OR51B5: variants seen among roughly 807,000 people sequenced by gnomAD.
OR51B5 encodes olfactory receptor 51B5.
For missense variants in OR51B5, 456 were observed against 374.6 expected (o/e 1.22, Z -1.79); for synonymous variants, 186 against 144.8 (o/e 1.28, Z -2.04).
intron 1 of OR51B5, among the ~76,000 whole-genome samples, chr11:5,458,845 G>A (rs1002972690): frequency 1.3e-5 from 2 of 152,178 alleles, no homozygotes; most frequent in Non-Finnish European, 2.9e-5. Flanking sequence ...AGATCTAGGA[G>A]CCTATAGGCA....
intron 1 of OR51B5, among the ~76,000 whole-genome samples, chr11:5,482,516 T>A (rs1483385824): frequency 9.0e-6 from 1 of 111,696 alleles, no homozygotes; most frequent in Non-Finnish European, 1.8e-5. Context: ...GGGATCTAAT[T>A]AAACTAAAGA....
chr11:5,383,484 C>T (rs1215094542), intron 1 of OR51B5, among the ~76,000 whole-genome samples: 2 of 152,220 alleles, frequency 1.3e-5, no homozygotes, highest in Non-Finnish European at 2.9e-5. Flanking sequence ...TCATATACTA[C>T]ATCCGACCTC....
At chr11:5,415,291 T>C (rs1291481850) in intron 1 of OR51B5, among the ~76,000 whole-genome samples, 2 of 149,598 alleles carry the variant, frequency 1.3e-5, no homozygotes, top group South Asian at 2.2e-4. Context: ...TAGAGGGAAA[T>C]TTATAGCACT....
At chr11:5,504,998 C>T (rs1846351210) in intron 1 of OR51B5, among the ~76,000 whole-genome samples, 1 of 152,226 alleles carries the variant, frequency 6.6e-6, no homozygotes. Flanking sequence ...CTTTTAGACC[C>T]AATTCACCTG....
intron 1 of OR51B5, among the ~76,000 whole-genome samples, chr11:5,375,727 A>G (rs1235347643): frequency 6.6e-6 from 1 of 152,148 alleles, no homozygotes; most frequent in East Asian, 1.9e-4. Context: ...CCATTACATA[A>G]TGGTAAAGGG....
chr11:5,430,011 G>A (rs956272976), intron 1 of OR51B5, among the ~76,000 whole-genome samples: 4 of 152,142 alleles, frequency 2.6e-5, no homozygotes, highest in African/African-American at 9.7e-5. Flanking sequence ...GCAAGTTTTA[G>A]GAAGAGTCTC....
At chr11:5,471,336 G>A (rs1324999319) in intron 1 of OR51B5, among the ~76,000 whole-genome samples, 1 of 152,076 alleles carries the variant, frequency 6.6e-6, no homozygotes, top group East Asian at 1.9e-4. Context: ...AGTTTTAATG[G>A]TTAAAATATT....
chr11:5,492,868 C>T (rs2133816258), intron 1 of OR51B5, among the ~76,000 whole-genome samples: 1 of 152,268 alleles, frequency 6.6e-6, no homozygotes, highest in South Asian at 2.1e-4. Context: ...CTCCTGACCT[C>T]AAGTGATCCA....
Position 5,418,877 on chromosome 11 carries a change from T to TAAAAAAAAAAA in OR51B5, n.85-71978_85-71968dup, listed in dbSNP as rs10636129. Among the ~76,000 whole-genome samples the TAAAAAAAAAAA allele has an allele frequency of 3.7e-5, 5 of 133,638 alleles. 1 individual carries two copies. The highest frequency in any genetic ancestry group is 5.5e-5 in the African/African-American group (2 of 36,202). 87.7% of individuals were successfully genotyped at this position (133,638 alleles called of 152,430 possible). On this transcript the variant is annotated intron_variant and non_coding_transcript_variant, in intron 1 of 4. Transcript: ENST00000415970. ...ATGTACCCCAGAACTTGAAGTATTA[T>TAAAAAAAAAAA]AAAAAAAAAAAAAGCATCATCTGGT...
At chr11:5,416,550 C>T (rs1363489580) in intron 1 of OR51B5, among the ~76,000 whole-genome samples, 5 of 151,552 alleles carry the variant, frequency 3.3e-5, no homozygotes, top group Non-Finnish European at 7.4e-5. Context: ...CCCAAAATCT[C>T]CTTAAGCTGA....
intron 1 of OR51B5, among the ~76,000 whole-genome samples, chr11:5,416,042 A>G (rs1015935745): frequency 6.7e-6 from 1 of 148,686 alleles, no homozygotes; most frequent in Non-Finnish European, 1.5e-5. Context: ...ATACTGGCAA[A>G]ACGAATCCAG....
intron 1 of OR51B5, chr11:5,390,227 G>C: frequency 1.9e-6 from 3 of 1,613,972 alleles, no homozygotes; most frequent in Non-Finnish European, 2.5e-6. Context: ...GCACCGTTTT[G>C]GGAAGCATGC....
intron 1 of OR51B5, among the ~76,000 whole-genome samples, chr11:5,397,682 C>G (rs1240007756): frequency 6.6e-6 from 1 of 151,084 alleles, no homozygotes; most frequent in Non-Finnish European, 1.5e-5. Context: ...ACCATTTGAC[C>G]CAGCCATCCC....
intron 1 of OR51B5, chr11:5,392,376 T>C (rs1306303103): frequency 3.3e-5 from 5 of 152,244 alleles, no homozygotes; most frequent in African/African-American, 4.8e-5. Flanking sequence ...AGGAAATTCC[T>C]ATTCTATAGA....
At chr11:5,450,706 C>T (rs1048343047) in intron 1 of OR51B5, among the ~76,000 whole-genome samples, 4 of 152,168 alleles carry the variant, frequency 2.6e-5, no homozygotes, top group African/African-American at 4.8e-5. Context: ...GAAATGCATT[C>T]CTCTATTTTC....
At chr11:5,439,666 G>A (rs1369103601) in intron 1 of OR51B5, among the ~76,000 whole-genome samples, 1 of 152,150 alleles carries the variant, frequency 6.6e-6, no homozygotes, top group East Asian at 1.9e-4. Context: ...TCGATGCAAA[G>A]CTGATGATAT....
chr11:5,363,026 C>CAAG (rs3068327), intron 1 of OR51B5, among the ~76,000 whole-genome samples: 143,604 of 150,916 alleles, frequency 0.95, 68,687 homozygotes, highest in Non-Finnish European at 0.98. Context: ...AGGTTGAAAA[C>CAAG]AAGGAAAAGG....
chr11:5,453,355 G>T, intron 1 of OR51B5: 2 of 549,104 alleles, frequency 3.6e-6, no homozygotes, highest in Non-Finnish European at 3.0e-6. Flanking sequence ...TCATGAATGC[G>T]TCAGTTTCCA....
At chr11:5,413,398 T>C (rs534247021) in intron 1 of OR51B5, among the ~76,000 whole-genome samples, 30 of 152,296 alleles carry the variant, frequency 2.0e-4, no homozygotes, top group Non-Finnish European at 4.0e-4. Flanking sequence ...TCCAAAGGAA[T>C]GCAGTTCTTC....
Sources: allele counts gnomAD v4.1 joint callset (sites outside exome capture counted in the v4.1 genomes callset), GRCh38; gene constraint gnomAD v4.1.1; transcripts MANE v1.5; gene names NCBI Gene and HGNC (gene_info 2026-07-23, HGNC 2026-07-21).